Variants in TRPM6 observed in about 807,000 individuals in gnomAD.
TRPM6 encodes transient receptor potential cation channel subfamily M member 6.
A neutral mutation model predicts 247.6 loss-of-function variants in TRPM6; 111 were observed. That is an observed-to-expected ratio of 0.45 (90% CI 0.38 to 0.52). The LOEUF (loss-of-function observed/expected upper bound fraction) is 0.52, where lower values mean the gene tolerates loss of function less well. Ranked by LOEUF, TRPM6 falls within the 20% of genes least tolerant of loss-of-function variation. The pLI, the probability that TRPM6 is intolerant of heterozygous loss-of-function variation, is 0.00. For synonymous variants in TRPM6, 892 were observed against 853.8 expected (o/e 1.04, Z -0.78); for missense variants, 2,126 against 2,421.5 (o/e 0.88, Z 2.56).
At chr9:74,841,763 C>T (rs1404699796) in intron 4 of TRPM6, among the ~76,000 whole-genome samples, 2 of 152,160 alleles carry the variant, frequency 1.3e-5, no homozygotes, top group Non-Finnish European at 2.9e-5. Flanking sequence ...CCTTGGCCTC[C>T]CAGAGTTCTG....
intron 9 of TRPM6, 110 bp downstream of exon 9, chr9:74,820,194 T>C: frequency 7.9e-7 from 1 of 1,268,966 alleles, no homozygotes; most frequent in Non-Finnish European, 1.1e-6. Flanking sequence ...CTGTATGTTG[T>C]TCCCCTTCCT....
At chr9:74,782,642 G>T in intron 22 of TRPM6, 37 bp downstream of exon 22, 1 of 1,606,020 alleles carries the variant, frequency 6.2e-7, no homozygotes, top group Non-Finnish European at 8.5e-7. Flanking sequence ...AACTATGAAG[G>T]CACAATTTCT....
intron 3 of TRPM6, among the ~76,000 whole-genome samples, chr9:74,843,814 CAAAAA>C (rs542444347): frequency 1.6e-5 from 1 of 62,392 alleles, no homozygotes; most frequent in African/African-American, 5.6e-5. Flanking sequence ...GACTCCATCT[CAAAAA>C]AAAAAAAAAA....
At chr9:74,735,270 G>A (rs756143250) in intron 36 of TRPM6, among the ~76,000 whole-genome samples, 1 of 151,900 alleles carries the variant, frequency 6.6e-6, no homozygotes, top group South Asian at 2.1e-4. Flanking sequence ...GGAGAGCAGA[G>A]GAGAGGGAAA....
At chr9:74,777,196 T>G (rs1167354983) in intron 23 of TRPM6, among the ~76,000 whole-genome samples, 4 of 152,062 alleles carry the variant, frequency 2.6e-5, no homozygotes, top group African/African-American at 9.7e-5. Context: ...AACTCTAGGG[T>G]TGCACATGCT....
chr9:74,785,647 T>C (rs935562384), intron 21 of TRPM6, among the ~76,000 whole-genome samples: 8 of 152,090 alleles, frequency 5.3e-5, no homozygotes, highest in African/African-American at 9.7e-5. Context: ...CTCAGCCTCC[T>C]GAGTAGCTGG....
intron 7 of TRPM6, among the ~76,000 whole-genome samples, chr9:74,824,511 GAAAAAAAAAAAAAAAAAAAA>G (rs59044061): frequency 0.077 from 3,654 of 47,266 alleles, 238 homozygotes; most frequent in African/African-American, 0.14. Flanking sequence ...GGCTTTTTCT[GAAAAAAAAAAAAAAAAAAAA>G]AAAAAAAAAA....
chr9:74,886,318 T>C (rs551516615), intron 1 of TRPM6, among the ~76,000 whole-genome samples: 1 of 152,238 alleles, frequency 6.6e-6, no homozygotes, highest in South Asian at 2.1e-4. Flanking sequence ...CTGGCCAAAA[T>C]AGCTAACGCT....
chr9:74,761,746 C>G lies in TRPM6; in HGVS notation c.4735G>C (p.Asp1579His), dbSNP rs757510557. The G allele has an allele frequency of 1.3e-5, 21 of 1,613,880 alleles. No individual in the cohort carries two copies. Among genetic ancestry groups the G allele is most frequent in the Non-Finnish European group, 1.8e-5 (21 of 1,179,910 alleles). Residue 1579 changes from aspartate to histidine, a missense_variant, in exon 27 of 39, where the codon GAC becomes CAC. Asp to His is a moderately conservative substitution (Grantham distance 81). Coordinates refer to ENST00000360774, the MANE Select transcript of TRPM6 (RefSeq NM_017662.5). ...TTCTTTTTCTTTGACAGTCTCCTGT[C>G]TTTGGTTAGCATTTTCGCTTTGACC... Reference protein sequence around the residue: ...AWVKAKMLTKDRRLSKKKKNT... With the variant: ...AWVKAKMLTKHRRLSKKKKNT...
At chr9:74,864,987 C>T (rs1391626628) in intron 1 of TRPM6, among the ~76,000 whole-genome samples, 3 of 151,412 alleles carry the variant, frequency 2.0e-5, no homozygotes, top group African/African-American at 7.3e-5. Context: ...GCAAGAGAAT[C>T]GCTTGAACCC....
intron 1 of TRPM6, among the ~76,000 whole-genome samples, chr9:74,877,068 C>G (rs918121525): frequency 2.0e-5 from 3 of 152,088 alleles, no homozygotes; most frequent in African/African-American, 7.2e-5. Flanking sequence ...ATCAAAAAGT[C>G]AGACAATACA....
intron 3 of TRPM6, among the ~76,000 whole-genome samples, chr9:74,848,385 A>T (rs1425449386): frequency 1.3e-5 from 2 of 152,228 alleles, no homozygotes; most frequent in Admixed American, 6.5e-5. Context: ...GAGCGTCTGT[A>T]GCATGGCTAG....
At chr9:74,741,570 G>T (rs1272894352) in intron 33 of TRPM6, among the ~76,000 whole-genome samples, 1 of 152,048 alleles carries the variant, frequency 6.6e-6, no homozygotes, top group African/African-American at 2.4e-5. Context: ...CAGCCATGGG[G>T]CCAAATGGAA....
At chr9:74,744,671 C>G (rs988372545) in intron 31 of TRPM6, among the ~76,000 whole-genome samples, 1 of 152,204 alleles carries the variant, frequency 6.6e-6, no homozygotes, top group Non-Finnish European at 1.5e-5. Flanking sequence ...TATACAAGGA[C>G]TATGTGTTGG....
At chr9:74,749,995 A>G (rs1160565306) in intron 30 of TRPM6, among the ~76,000 whole-genome samples, 1 of 152,228 alleles carries the variant, frequency 6.6e-6, no homozygotes, top group Non-Finnish European at 1.5e-5. Flanking sequence ...TGCAACTAGG[A>G]AAGTCCAGAA....
chr9:74,809,878 G>T (rs1375993808), intron 13 of TRPM6, among the ~76,000 whole-genome samples: 4 of 149,522 alleles, frequency 2.7e-5, no homozygotes, highest in African/African-American at 4.9e-5. Context: ...TATTCAGGAG[G>T]CTGAGGCAGG....
intron 36 of TRPM6, among the ~76,000 whole-genome samples, chr9:74,734,500 C>T (rs1179519468): frequency 1.3e-5 from 2 of 152,058 alleles, no homozygotes; most frequent in African/African-American, 4.8e-5. Flanking sequence ...GACCTGGATA[C>T]CTCCCTTAAT....
At chr9:74,875,511 C>T (rs753935598) in intron 1 of TRPM6, among the ~76,000 whole-genome samples, 131 of 151,808 alleles carry the variant, frequency 8.6e-4, no homozygotes, top group Non-Finnish European at 6.2e-4. Context: ...CCACTGCACT[C>T]CAGCCTGGGC....
chr9:74,821,046 G>A (rs1376807506), intron 8 of TRPM6, among the ~76,000 whole-genome samples: 2 of 152,174 alleles, frequency 1.3e-5, no homozygotes, highest in Non-Finnish European at 2.9e-5. Flanking sequence ...AGCTGTTACA[G>A]TATAAGCAGC....
Sources: allele counts gnomAD v4.1 joint callset (sites outside exome capture counted in the v4.1 genomes callset), GRCh38; gene constraint gnomAD v4.1.1; transcripts MANE v1.5; gene names NCBI Gene and HGNC (gene_info 2026-07-23, HGNC 2026-07-21).